Variants in GCNT1 observed in about 807,000 individuals in gnomAD.
GCNT1 encodes beta-1,3-galactosyl-O-glycosyl-glycoprotein beta-1,6-N-acetylglucosaminyltransferase.
In GCNT1, 16 loss-of-function variants were observed where a neutral mutation model predicts 26.2. The ratio of observed to expected loss-of-function variants is 0.61; its 90% CI spans 0.41 to 0.93. GCNT1 has a LOEUF of 0.93. GCNT1 is among the 40% of genes least tolerant of loss of function. The probability of loss-of-function intolerance (pLI) is 0.00; values close to 1 mark genes in which losing one functional copy is unlikely to be tolerated. For missense variants in GCNT1, 477 were observed against 526.7 expected, an observed-to-expected ratio of 0.91 and a Z score of 0.92; for synonymous variants, 183 against 190.8, an observed-to-expected ratio of 0.96 and a Z score of 0.34.
At chr9:76,465,845 CAA>C (rs1385883889) in intron 2 of GCNT1, among the ~76,000 whole-genome samples, 1 of 152,144 alleles carries the variant, frequency 6.6e-6, no homozygotes, top group Admixed American at 6.5e-5. Flanking sequence ...AAGGATGATT[CAA>C]AAGTTTCTGG....
upstream of GCNT1, among the ~76,000 whole-genome samples, chr9:76,419,396 G>A (rs892155853): frequency 5.3e-5 from 8 of 152,194 alleles, no homozygotes; most frequent in Non-Finnish European, 7.3e-5. Flanking sequence ...TAAGCTGGGC[G>A]TAGTGGGTCA....
At chr9:76,483,297 A>G (rs573971849) in intron 2 of GCNT1, among the ~76,000 whole-genome samples, 1 of 152,276 alleles carries the variant, frequency 6.6e-6, no homozygotes, top group African/African-American at 2.4e-5. Flanking sequence ...ACCATTTTCA[A>G]CTTTTTACAG....
chr9:76,461,865 G>T (rs540210290), intron 2 of GCNT1, among the ~76,000 whole-genome samples: 1 of 152,328 alleles, frequency 6.6e-6, no homozygotes, highest in East Asian at 1.9e-4. Flanking sequence ...CTCAAGCCTG[G>T]ACGACAGAGT....
At chr9:76,447,204 A>T (rs1358410815) in intron 1 of GCNT1, among the ~76,000 whole-genome samples, 1 of 141,712 alleles carries the variant, frequency 7.1e-6, no homozygotes, top group Non-Finnish European at 1.5e-5. Flanking sequence ...TGGTATGTGG[A>T]TATTGCTGAA....
intron 2 of GCNT1, among the ~76,000 whole-genome samples, chr9:76,469,298 C>T (rs535907102): frequency 2.0e-4 from 31 of 152,308 alleles, no homozygotes; most frequent in African/African-American, 6.3e-4. Flanking sequence ...GGAAGGTAAC[C>T]GCATCCACCT....
chr9:76,449,322 A>C (rs925300537), intron 1 of GCNT1, among the ~76,000 whole-genome samples: 2 of 141,830 alleles, frequency 1.4e-5, no homozygotes, highest in East Asian at 1.9e-4. Context: ...CAAAAAAAAA[A>C]ACAAGCAAAT....
chr9:76,397,420 T>C, the GCNT1 span, among the ~76,000 whole-genome samples: 6 of 150,736 alleles, frequency 4.0e-5, no homozygotes, highest in Non-Finnish European at 5.9e-5. Context: ...TACTGTGTTA[T>C]CAGCATAGGA....
At chr9:76,471,421 T>C (rs1824128703) in intron 2 of GCNT1, among the ~76,000 whole-genome samples, 1 of 152,116 alleles carries the variant, frequency 6.6e-6, no homozygotes, top group Non-Finnish European at 1.5e-5. Context: ...CCAGAATTGC[T>C]CCCAGGAATG....
chr9:76,435,392 C>A (rs1349444017), intron 1 of GCNT1, among the ~76,000 whole-genome samples: 3 of 152,170 alleles, frequency 2.0e-5, no homozygotes, highest in Non-Finnish European at 4.4e-5. Context: ...AGTTCCCCCA[C>A]TGGTCCCAAA....
intron 2 of GCNT1, among the ~76,000 whole-genome samples, chr9:76,470,152 T>C (rs968690650): frequency 9.9e-5 from 15 of 152,168 alleles, no homozygotes; most frequent in African/African-American, 3.4e-4. Context: ...TGTAACTGTA[T>C]AGATATGCCA....
chr9:76,413,862 C>T, the GCNT1 span, among the ~76,000 whole-genome samples: 1 of 151,964 alleles, frequency 6.6e-6, no homozygotes, highest in Admixed American at 6.6e-5. Flanking sequence ...ACTTGTCTCA[C>T]AGTTCTTGGA....
exon 1 of GCNT1, chr9:76,442,222 T>C (rs1003695673): frequency 2.0e-5 from 3 of 152,176 alleles, no homozygotes; most frequent in Non-Finnish European, 2.9e-5. Context: ...AGGAAATAGA[T>C]TTTCCTCTAA....
the GCNT1 span, among the ~76,000 whole-genome samples, chr9:76,404,506 G>T: frequency 6.6e-6 from 1 of 152,140 alleles, no homozygotes; most frequent in South Asian, 2.1e-4. Context: ...GAGAGGGGAA[G>T]CCCATTTCCT....
intron 2 of GCNT1, among the ~76,000 whole-genome samples, chr9:76,478,499 A>C (rs904456065): frequency 1.1e-4 from 16 of 152,124 alleles, no homozygotes; most frequent in Admixed American, 8.5e-4. Flanking sequence ...GAGCTGTAAT[A>C]CTCACCGGGA....
intron 2 of GCNT1, among the ~76,000 whole-genome samples, chr9:76,486,297 C>A (rs1824572972): frequency 6.6e-6 from 1 of 152,222 alleles, no homozygotes; most frequent in African/African-American, 2.4e-5. Flanking sequence ...AATGCTCTTA[C>A]AGTTGCTGGT....
At chr9:76,425,308 C>T (rs1287491064) in intron 1 of GCNT1, among the ~76,000 whole-genome samples, 7 of 151,840 alleles carry the variant, frequency 4.6e-5, no homozygotes, top group African/African-American at 9.7e-5. Context: ...CTGCAACCTC[C>T]GCCTCTCAGG....
chr9:76,428,763 T>C (rs1587406224), intron 1 of GCNT1, among the ~76,000 whole-genome samples: 1 of 149,710 alleles, frequency 6.7e-6, no homozygotes. Flanking sequence ...TGCAATGGCA[T>C]GATCTCAGCT....
chr9:76,429,141 C>A (rs1823299433), intron 1 of GCNT1, among the ~76,000 whole-genome samples: 1 of 152,142 alleles, frequency 6.6e-6, no homozygotes, highest in Non-Finnish European at 1.5e-5. Context: ...CCCAATATTT[C>A]TTCTAATTGT....
intron 1 of GCNT1, among the ~76,000 whole-genome samples, chr9:76,448,178 G>A (rs1379568040): frequency 1.3e-5 from 2 of 152,160 alleles, no homozygotes; most frequent in Non-Finnish European, 2.9e-5. Flanking sequence ...ACAGCCAGGC[G>A]CGGTGGCTCG....
Sources: allele counts gnomAD v4.1 joint callset (sites outside exome capture counted in the v4.1 genomes callset), GRCh38; gene constraint gnomAD v4.1.1; transcripts MANE v1.5; gene names NCBI Gene and HGNC (gene_info 2026-07-23, HGNC 2026-07-21).